Variants in NEK10 observed in about 807,000 individuals in gnomAD.
NEK10 encodes NIMA related kinase 10.
In NEK10, 122 loss-of-function variants were observed where a neutral mutation model predicts 159.8. The observed-to-expected ratio is 0.76, with a 90% CI of 0.66 to 0.89. The LOEUF (loss-of-function observed/expected upper bound fraction) is 0.89. Among genes scored for constraint, NEK10 ranks in the 40% least tolerant of loss-of-function variants. The pLI is 0.00. For missense variants in NEK10, 1,342 were observed against 1,323.1 expected (o/e 1.01, Z -0.22); for synonymous variants, 466 against 457.1 (o/e 1.02, Z -0.25).
At chr3:27,203,546 C>G (rs903617255) in intron 23 of NEK10, among the ~76,000 whole-genome samples, 1 of 151,056 alleles carries the variant, frequency 6.6e-6, no homozygotes. Flanking sequence ...CATATATGTA[C>G]ACTAAAAAAC....
chr3:27,250,872 G>C (rs982879582), intron 23 of NEK10, among the ~76,000 whole-genome samples: 4 of 152,100 alleles, frequency 2.6e-5, no homozygotes, highest in African/African-American at 7.2e-5. Context: ...TTGTGAGTTT[G>C]ATTATTAAAT....
At chr3:27,136,963 T>C (rs939923424) in intron 31 of NEK10, among the ~76,000 whole-genome samples, 1 of 152,236 alleles carries the variant, frequency 6.6e-6, no homozygotes, top group African/African-American at 2.4e-5. Flanking sequence ...TTTTTGTTTG[T>C]TTTTCCAATT....
intron 23 of NEK10, among the ~76,000 whole-genome samples, chr3:27,220,752 C>A (rs1378570673): frequency 6.6e-6 from 1 of 151,996 alleles, no homozygotes; most frequent in African/African-American, 2.4e-5. Context: ...AGGACTCATA[C>A]TTCTTGATTT....
chr3:27,165,830 C>G (rs7617633), intron 29 of NEK10, among the ~76,000 whole-genome samples: 14,908 of 152,158 alleles, frequency 0.098, 2,414 homozygotes, highest in African/African-American at 0.34. Context: ...TGAATTAAGT[C>G]AAGAGCACGG....
At chr3:27,134,274 T>C (rs185369950) in intron 31 of NEK10, among the ~76,000 whole-genome samples, 76 of 151,990 alleles carry the variant, frequency 5.0e-4, no homozygotes, top group African/African-American at 1.8e-3. Context: ...TGGGATGGAG[T>C]AATGAGGGGA....
At chr3:27,149,015 A>T (rs780396337) in intron 30 of NEK10, among the ~76,000 whole-genome samples, 3 of 152,160 alleles carry the variant, frequency 2.0e-5, no homozygotes, top group Non-Finnish European at 4.4e-5. Flanking sequence ...CTTGGCATGA[A>T]GAATGAGGAA....
At chr3:27,311,173 T>C (rs2044668593) in intron 8 of NEK10, 157 bp from the exon 9 acceptor site, 1 of 491,274 alleles carries the variant, frequency 2.0e-6, no homozygotes, top group Non-Finnish European at 3.6e-6. Context: ...TGGCTACTTT[T>C]TTACCCCAAG....
chr3:27,117,372 T>C (rs1940618372), intron 33 of NEK10, among the ~76,000 whole-genome samples: 1 of 152,220 alleles, frequency 6.6e-6, no homozygotes, highest in African/African-American at 2.4e-5. Flanking sequence ...CAAATGGTAT[T>C]TCTGGTTCTA....
intron 26 of NEK10, among the ~76,000 whole-genome samples, chr3:27,182,511 A>G (rs1253378603): frequency 6.6e-6 from 1 of 152,160 alleles, no homozygotes; most frequent in Non-Finnish European, 1.5e-5. Flanking sequence ...GTAAATTAGT[A>G]CAGCCACTAT....
At chr3:27,246,822 C>T (rs111944288) in intron 23 of NEK10, among the ~76,000 whole-genome samples, 187 of 152,210 alleles carry the variant, frequency 1.2e-3, no homozygotes, top group African/African-American at 4.4e-3. Flanking sequence ...TTCACTTCTT[C>T]GGTTAAGTTA....
chr3:27,251,574 C>A (rs1031602633), intron 23 of NEK10, among the ~76,000 whole-genome samples: 11 of 152,180 alleles, frequency 7.2e-5, no homozygotes, highest in African/African-American at 2.7e-4. Flanking sequence ...CCTGGGGCCT[C>A]CCCAGAAGCC....
Position 27,293,569 on chromosome 3 carries a change from T to C in NEK10, c.1373+19A>G, listed in dbSNP as rs1575617983. 4 of 1,341,312 alleles carry C rather than the reference T, an allele frequency of 3.0e-6. No homozygotes were observed. Among genetic ancestry groups the C allele is most frequent in the South Asian group, 2.5e-5 (2 of 79,706 alleles). 83.1% of individuals were successfully genotyped at this position (1,341,312 alleles called of 1,614,324 possible). On this transcript the variant is annotated intron_variant, in intron 16 of 35. Coordinates refer to ENST00000691995, the MANE Select transcript of NEK10 (RefSeq NM_001394966.1). ...ATCTCCTAAACCTAATGATCACTTA[T>C]ATTTCTCTAACCTCATACCTTTTAA...
chr3:27,314,433 A>G, intron 6 of NEK10, 95 bp from the exon 7 acceptor site: 1 of 770,794 alleles, frequency 1.3e-6, no homozygotes, highest in Admixed American at 2.1e-5. Context: ...TGTCATATTT[A>G]TAATTATATT....
At chr3:27,347,017 A>G (rs1340439411) in intron 3 of NEK10, among the ~76,000 whole-genome samples, 1 of 152,222 alleles carries the variant, frequency 6.6e-6, no homozygotes, top group Non-Finnish European at 1.5e-5. Flanking sequence ...TGGGCATGGT[A>G]TAGACAAATA....
At chr3:27,125,416 C>A (rs1941830287) in intron 32 of NEK10, among the ~76,000 whole-genome samples, 1 of 152,000 alleles carries the variant, frequency 6.6e-6, no homozygotes, top group African/African-American at 2.4e-5. Context: ...AAATGAGGTG[C>A]CAGAAGTGAG....
chr3:27,259,496 T>C (rs1159387816), intron 22 of NEK10, among the ~76,000 whole-genome samples: 2 of 152,226 alleles, frequency 1.3e-5, no homozygotes, highest in African/African-American at 4.8e-5. Context: ...CATTGCTTGT[T>C]TTTGTCAGGT....
At chr3:27,279,675 T>C (rs1326852214) in intron 22 of NEK10, among the ~76,000 whole-genome samples, 2 of 152,264 alleles carry the variant, frequency 1.3e-5, no homozygotes, top group South Asian at 2.1e-4. Flanking sequence ...TTATAGTCAC[T>C]GAAAATAATG....
At chr3:27,315,332 C>A (rs2045070209) in intron 6 of NEK10, among the ~76,000 whole-genome samples, 1 of 152,108 alleles carries the variant, frequency 6.6e-6, no homozygotes, top group African/African-American at 2.4e-5. Flanking sequence ...GGCACAGGGG[C>A]CTTTTTCTCT....
rs199879984 is a variant in NEK10 at position 27,202,422 on chromosome 3, G to A, written c.2220+6C>T. On this transcript the variant is annotated splice_donor_region_variant and intron_variant, in intron 24 of 35. Transcript: ENST00000691995. Reference sequence around the variant, plus strand: ...CGAGACCCTTCTGTCTCCCAGCGTTGCTTACTTTTGTAGCCAAGGACAGCA... The same window carrying A: ...CGAGACCCTTCTGTCTCCCAGCGTTACTTACTTTTGTAGCCAAGGACAGCA... 1.7e-4 allele frequency: 276 copies of A among 1,604,480 alleles called. 1 individual carries two copies. The highest frequency in any genetic ancestry group is 3.9e-4 in the Admixed American group (23 of 59,194).
Sources: gnomAD v4.1 joint callset for allele counts (sites outside exome capture counted in the v4.1 genomes callset) on GRCh38, gnomAD v4.1.1 for gene constraint, MANE v1.5 for transcripts, NCBI Gene and HGNC (gene_info 2026-07-23, HGNC 2026-07-21) for gene names.